Variants in SRSF7 observed in about 807,000 individuals in gnomAD.
The protein encoded by SRSF7 is serine/arginine-rich splicing factor 7.
A neutral mutation model predicts 42.2 loss-of-function variants in SRSF7; 15 were observed. The ratio of observed to expected loss-of-function variants is 0.36; its 90% CI spans 0.24 to 0.55. The LOEUF (loss-of-function observed/expected upper bound fraction) is 0.55. Ranked by LOEUF, SRSF7 falls within the 20% of genes least tolerant of loss-of-function variation. The pLI is 0.88. For synonymous variants in SRSF7, 138 were observed against 107.9 expected (o/e 1.28, Z -1.73); for missense variants, 181 against 305.9 (o/e 0.59, Z 3.04).
At chr2:38,748,190 G>GTTTT in intron 4 of SRSF7, 33 bp from the exon 5 acceptor site, 48 of 1,298,722 alleles carry the variant, frequency 3.7e-5, no homozygotes, top group South Asian at 5.5e-5. Context: ...CATCTCCACA[G>GTTTT]TTTTTTTTTT....
At chr2:38,745,319 T>C in intron 7 of SRSF7, 132 bp from the exon 8 acceptor site, 2 of 893,408 alleles carry the variant, frequency 2.2e-6, no homozygotes, top group South Asian at 1.6e-5. Flanking sequence ...AAAAATGACA[T>C]GAAACTTACA....
In SRSF7 at chr2:38,750,115, A is replaced by G; in HGVS notation, c.108T>C (p.Pro36=). Residue 36 remains proline (P), a synonymous_variant, in exon 2 of 8, where the codon CCT becomes CCC. Coordinates refer to ENST00000313117, the MANE Select transcript of SRSF7 (RefSeq NM_001031684.3). The part of the protein sequence containing the change: ...ELERAFSYYG[P]LRTVWIARNP... ...TTCTCGCAATCCATACAGTTCTTAA[A>G]GGACCATAATAACTGAAAGCCCTTT... 1 of 1,613,858 alleles carries G rather than the reference A, an allele frequency of 6.2e-7. No homozygotes were observed.
chr2:38,748,492 C>G, intron 4 of SRSF7, 87 bp downstream of exon 4: 1 of 1,399,986 alleles, frequency 7.1e-7, no homozygotes, highest in East Asian at 2.3e-5. Flanking sequence ...GACCCTGTCT[C>G]CAAAAAAAAT....
Position 38,748,765 on chromosome 2 carries a change from T to G in SRSF7, c.387-112A>C. ...AAACTATTTAAATTTAGTGTCTCATTTGGAAATAAACTCTGGGCCTATTAG... is the reference window on the plus strand; with the variant it reads ...AAACTATTTAAATTTAGTGTCTCATGTGGAAATAAACTCTGGGCCTATTAG... On this transcript the variant is annotated intron_variant, in intron 3 of 7. Transcript: ENST00000313117. 3.1e-4 allele frequency: 402 copies of G among 1,312,184 alleles called. 1 individual carries two copies. The Middle Eastern group carries it at 8.3e-3, about 27-fold the overall frequency. 81.3% of individuals were successfully genotyped at this position (1,312,184 alleles called of 1,614,324 possible).
At position 38,751,291 on chromosome 2, in the gene SRSF7, C is replaced by A; in HGVS notation, c.-35G>T. The A allele has an allele frequency of 6.2e-7, 1 of 1,613,952 alleles. No individual in the cohort carries two copies. Among genetic ancestry groups the A allele is most frequent in the South Asian group, 1.1e-5 (1 of 91,080 alleles). The stretch of plus-strand genomic sequence containing the variant: ...CCCGCGTGCTCGGCTCTTTAGCAAG[C>A]AGCGCCCAGGGCTCGAGTGACGCAA... On this transcript the variant is annotated 5_prime_UTR_variant, in exon 1 of 8. Coordinates refer to ENST00000313117, the MANE Select transcript of SRSF7 (RefSeq NM_001031684.3).
At position 38,746,129 on chromosome 2, in the gene SRSF7, A is replaced by G; in HGVS notation, c.662+15T>C. ...ACTTGACAGGCAAGATTTGGCAACA[A>G]AACATTTAGCTTACCTTCTTTTTGG... On this transcript the variant is annotated intron_variant, in intron 7 of 7. Coordinates refer to ENST00000313117, the MANE Select transcript of SRSF7 (RefSeq NM_001031684.3). 1 of 1,614,154 alleles carries G rather than the reference A, an allele frequency of 6.2e-7. No homozygotes were observed. The highest frequency in any genetic ancestry group is 8.5e-7 in the Non-Finnish European group (1 of 1,179,990).
In SRSF7 at chr2:38,748,670, A is replaced by T; in HGVS notation, c.387-17T>A. Reference sequence around the variant, plus strand: ...GACCGTGACCTATTTTTCAAGTTAGAGAAAAAACAAAATGTCAGACAATAA... The same window carrying T: ...GACCGTGACCTATTTTTCAAGTTAGTGAAAAAACAAAATGTCAGACAATAA... On this transcript the variant is annotated splice_polypyrimidine_tract_variant and intron_variant, in intron 3 of 7. Coordinates refer to ENST00000313117, the MANE Select transcript of SRSF7 (RefSeq NM_001031684.3). 2.6e-5 allele frequency: 42 copies of T among 1,612,336 alleles called. No homozygotes were observed. The highest frequency in any genetic ancestry group is 3.5e-5 in the Non-Finnish European group (41 of 1,178,534).
At chr2:38,748,188 C>G (rs780530379) in intron 4 of SRSF7, 31 bp from the exon 5 acceptor site, 9 of 1,448,824 alleles carry the variant, frequency 6.2e-6, no homozygotes, top group African/African-American at 5.8e-5. Flanking sequence ...TCCATCTCCA[C>G]AGTTTTTTTT....
intron 5 of SRSF7, chr2:38,747,205 C>T (rs900391673): frequency 2.5e-5 from 10 of 397,148 alleles, no homozygotes; most frequent in Admixed American, 8.7e-5. Context: ...AAAAGAAAGC[C>T]GCCCCCCATT....
chr2:38,751,413 TGCGTCATCTCGTTGTTCTGC>T, upstream of SRSF7: 10 of 940,688 alleles, frequency 1.1e-5, no homozygotes, highest in Non-Finnish European at 1.6e-5. Context: ...GCTTTGCGCA[TGCGTCATCTCGTTGTTCTGC>T]GCGGCACAAA....
chr2:38,748,115 A>G lies in SRSF7; in HGVS notation c.504T>C (p.Leu168=). 1.2e-6 allele frequency: 2 copies of G among 1,614,084 alleles called. No homozygotes were observed. Among genetic ancestry groups the G allele is most frequent in the South Asian group, 1.1e-5 (1 of 91,084 alleles). ...TGAGTGAAGCTGATCTTGATCTACGAAGAGAGATAGATCTTGATCGTCGAG... is the reference window on the plus strand; with the variant it reads ...TGAGTGAAGCTGATCTTGATCTACGGAGAGAGATAGATCTTGATCGTCGAG... ...ASPRRSRSIS[L]RRSRSASLRR... is the part of the protein sequence containing the mutation. Residue 168 remains leucine (L), a synonymous_variant, in exon 5 of 8, where the codon CTT becomes CTC. Transcript: ENST00000313117.
Position 38,750,297 on chromosome 2 carries a change from GCA to G in SRSF7, c.29-105_29-104del, listed in dbSNP as rs1394550638. The G allele has an allele frequency of 2.8e-6, 3 of 1,078,796 alleles. No individual in the cohort carries two copies. In the East Asian group the frequency reaches 7.3e-5, roughly 26 times the overall value. The allele number at this position is 1,078,796 out of a possible 1,614,324, so 66.8% of individuals were successfully genotyped here. On this transcript the variant is annotated intron_variant, in intron 1 of 7. Coordinates refer to ENST00000313117, the MANE Select transcript of SRSF7 (RefSeq NM_001031684.3). ...CGGGCCATCCTCAAGATTGGGTAAAGCACATTTAATGCCCTCTATCCAAGACA... is the reference window on the plus strand; with the variant it reads ...CGGGCCATCCTCAAGATTGGGTAAAGCATTTAATGCCCTCTATCCAAGACA...
intron 2 of SRSF7, 125 bp from the exon 3 acceptor site, chr2:38,749,830 G>A: frequency 7.8e-7 from 1 of 1,284,672 alleles, no homozygotes; most frequent in Non-Finnish European, 1.0e-6. Flanking sequence ...AAACTTTGGC[G>A]GTCTTTACCA....
intron 7 of SRSF7, 75 bp downstream of exon 7, chr2:38,746,069 C>G (rs1043115122): frequency 1.3e-6 from 2 of 1,496,194 alleles, no homozygotes; most frequent in East Asian, 4.5e-5. Context: ...TCAAAGACTG[C>G]AAAGCAGTAA....
chr2:38,746,300 GA>G, intron 6 of SRSF7, 121 bp from the exon 7 acceptor site: 1 of 1,120,786 alleles, frequency 8.9e-7, no homozygotes, highest in Non-Finnish European at 1.3e-6. Flanking sequence ...CACTTAAACT[GA>G]AAAACATCCT....
chr2:38,750,134 G>A lies in SRSF7; in HGVS notation c.89C>T (p.Ala30Val). 1 of 1,612,942 alleles carries A rather than the reference G, an allele frequency of 6.2e-7. No homozygotes were observed. Among genetic ancestry groups the A allele is most frequent in the African/African-American group, 1.3e-5 (1 of 74,952 alleles). The change falls in exon 2 of 8, where the codon GCT (alanine) becomes GTT (valine). Residue 30 changes from alanine (A) to valine (V), a missense_variant. By Grantham distance (64) the Ala-to-Val change is moderately conservative. Transcript: ENST00000313117. ...TGAGKGELERAFSYYGPLRTV... is the reference protein window; with the variant it reads ...TGAGKGELERVFSYYGPLRTV... ...TCTTAAAGGACCATAATAACTGAAA[G>A]CCCTTTCTAACTCTCCTTTGCCAGC...
At chr2:38,749,098 C>G in intron 3 of SRSF7, 1 of 1,315,124 alleles carries the variant, frequency 7.6e-7, no homozygotes. Context: ...TGGTGTTCCT[C>G]TTTCTAAACC....
chr2:38,746,019 A>G (rs1572559697), intron 7 of SRSF7, 125 bp downstream of exon 7: 2 of 874,064 alleles, frequency 2.3e-6, no homozygotes, highest in East Asian at 2.5e-5. Context: ...GAAACTTAGC[A>G]TAGTATTTTA....
chr2:38,744,077 G>A lies in SRSF7; in HGVS notation c.*1056C>T. 1 of 152,346 alleles carries A rather than the reference G, an allele frequency of 6.6e-6. No individual in the cohort carries two copies. The allele number at this position is 152,346 out of a possible 1,614,324, so 9.4% of individuals were successfully genotyped here. A position where few individuals can be genotyped will look rare whatever the true frequency, so the allele number is the denominator to read the frequency against. On this transcript the variant is annotated 3_prime_UTR_variant, in exon 8 of 8. Coordinates refer to ENST00000313117, the MANE Select transcript of SRSF7 (RefSeq NM_001031684.3). ...GCTACCAAAAAATATTAGCTACATG[G>A]AGTGTTGCTAAATATAGCTGAGATT...
Sources: allele counts gnomAD v4.1 joint callset, GRCh38; gene constraint gnomAD v4.1.1; transcripts MANE v1.5; gene names NCBI Gene and HGNC (gene_info 2026-07-23, HGNC 2026-07-21).